The following EYS variants were observed in gnomAD, a reference collection of about 807,000 sequenced individuals.
The protein encoded by EYS is protein eyes shut homolog.
EYS carries 250 observed loss-of-function variants against 282.1 expected under a neutral mutation model. The observed-to-expected ratio is 0.89, with a 90% confidence interval of 0.80 to 0.98. The LOEUF (loss-of-function observed/expected upper bound fraction) is 0.98. Ranked by LOEUF, EYS falls within the 50% of genes least tolerant of loss-of-function variation. The pLI is 0.00. For synonymous variants in EYS, 1,355 were observed against 1,282.9 expected (o/e 1.06, Z -1.20); for missense variants, 4,016 against 3,709.0 (o/e 1.08, Z -2.15).
At chr6:65,577,472 C>T (rs354349) in intron 2 of EYS, among the ~76,000 whole-genome samples, 1 of 151,458 alleles carries the variant, frequency 6.6e-6, no homozygotes, top group Admixed American at 6.6e-5. Flanking sequence ...TATACAACTA[C>T]TAGGAAAAAA....
intron 5 of EYS, among the ~76,000 whole-genome samples, chr6:65,428,892 G>A (rs1312884377): frequency 1.3e-5 from 2 of 152,012 alleles, no homozygotes; most frequent in Admixed American, 1.3e-4. Context: ...ATAAATAAAA[G>A]ATGTTCTGAG....
intron 30 of EYS, among the ~76,000 whole-genome samples, chr6:64,280,027 T>C (rs1768249848): frequency 6.6e-6 from 1 of 152,328 alleles, no homozygotes; most frequent in South Asian, 2.1e-4. Flanking sequence ...AAAGAAAAGA[T>C]TGTCAATTGT....
chr6:65,234,492 T>C (rs928068749), intron 12 of EYS, among the ~76,000 whole-genome samples: 1 of 152,282 alleles, frequency 6.6e-6, no homozygotes, highest in Non-Finnish European at 1.5e-5. Context: ...TGAAGTGATG[T>C]AGCCTTTGGA....
chr6:65,401,133 C>A (rs1414287092), intron 7 of EYS, among the ~76,000 whole-genome samples: 1 of 151,934 alleles, frequency 6.6e-6, no homozygotes, highest in Non-Finnish European at 1.5e-5. Context: ...CCTAGGAAAA[C>A]ATACCTCATA....
intron 14 of EYS, among the ~76,000 whole-genome samples, chr6:64,984,846 A>T (rs1770801125): frequency 6.6e-6 from 1 of 151,436 alleles, no homozygotes; most frequent in African/African-American, 2.4e-5. Context: ...TTCTTGTAAC[A>T]GAAATAAAAG....
chr6:64,707,310 T>C (rs1771055914), intron 22 of EYS, among the ~76,000 whole-genome samples: 1 of 152,086 alleles, frequency 6.6e-6, no homozygotes, highest in Admixed American at 6.6e-5. Flanking sequence ...TGCAAAGGTA[T>C]AAGAATAATA....
chr6:64,013,331 C>A (rs916623447), intron 33 of EYS, among the ~76,000 whole-genome samples: 1 of 152,194 alleles, frequency 6.6e-6, no homozygotes, highest in African/African-American at 2.4e-5. Flanking sequence ...CTGGTAGCGC[C>A]TCTAAATGTG....
chr6:64,189,646 G>A (rs1232211907), intron 31 of EYS, among the ~76,000 whole-genome samples: 1 of 152,000 alleles, frequency 6.6e-6, no homozygotes, highest in Admixed American at 6.6e-5. Context: ...AATGTGGGTG[G>A]AACTCATTCA....
intron 26 of EYS, among the ~76,000 whole-genome samples, chr6:64,575,065 C>T (rs1387957461): frequency 6.6e-6 from 1 of 152,036 alleles, no homozygotes; most frequent in Non-Finnish European, 1.5e-5. Context: ...AAATGGTAAA[C>T]TACTTAGGGA....
chr6:64,691,863 G>C (rs1172156055), intron 22 of EYS, among the ~76,000 whole-genome samples: 2 of 152,130 alleles, frequency 1.3e-5, no homozygotes, highest in Admixed American at 1.3e-4. Context: ...AGTATTCCAA[G>C]TGTATATGTA....
At chr6:64,762,683 G>GCACA (rs150860565) in intron 22 of EYS, among the ~76,000 whole-genome samples, 26 of 150,126 alleles carry the variant, frequency 1.7e-4, no homozygotes, top group South Asian at 1.3e-3. Flanking sequence ...ACACACACAT[G>GCACA]CACACACACA....
intron 26 of EYS, among the ~76,000 whole-genome samples, chr6:64,451,873 C>G (rs1775362583): frequency 6.6e-6 from 1 of 152,158 alleles, no homozygotes; most frequent in Non-Finnish European, 1.5e-5. Flanking sequence ...ATAATAAGAG[C>G]TATCTATGAC....
intron 29 of EYS, among the ~76,000 whole-genome samples, chr6:64,383,004 C>G (rs1419907774): frequency 6.6e-6 from 1 of 152,140 alleles, no homozygotes; most frequent in African/African-American, 2.4e-5. Flanking sequence ...AAGGCAAGGC[C>G]TGCCTGGGCA....
rs149724667 is a variant in EYS, at chr6:65,433,134, C to G, written c.863-27767G>C. Reference sequence around the variant, plus strand: ...AAACTATGGAGTCCATAGGAAAAGTCTATTGAGCCTTTTCAGGTTATGGAT... The same window carrying G: ...AAACTATGGAGTCCATAGGAAAAGTGTATTGAGCCTTTTCAGGTTATGGAT... On this transcript the variant is annotated intron_variant, in intron 5 of 42. Coordinates refer to ENST00000503581, the MANE Select transcript of EYS (RefSeq NM_001142800.2). 7.9e-5 allele frequency among the ~76,000 whole-genome samples: 12 copies of G among 152,182 alleles called. No individual in the cohort carries two copies. The East Asian group carries it at 2.1e-3, about 27-fold the overall frequency.
At chr6:64,941,146 T>C (rs963244764) in intron 15 of EYS, among the ~76,000 whole-genome samples, 2 of 151,944 alleles carry the variant, frequency 1.3e-5, no homozygotes, top group Non-Finnish European at 2.9e-5. Context: ...TTTGGGAGGC[T>C]GAGGCGGGCA....
At chr6:65,029,019 T>C (rs543844159) in intron 13 of EYS, among the ~76,000 whole-genome samples, 2 of 152,294 alleles carry the variant, frequency 1.3e-5, no homozygotes, top group South Asian at 2.1e-4. Flanking sequence ...ATTAACTTTA[T>C]TATTTATTTT....
chr6:64,614,443 G>A (rs958497008), intron 24 of EYS, among the ~76,000 whole-genome samples: 1 of 152,032 alleles, frequency 6.6e-6, no homozygotes, highest in African/African-American at 2.4e-5. Context: ...TCAGACTCAG[G>A]TATGACAGGG....
chr6:63,837,981 TA>T (rs1771851923), intron 36 of EYS, among the ~76,000 whole-genome samples: 1 of 152,162 alleles, frequency 6.6e-6, no homozygotes, highest in African/African-American at 2.4e-5. Context: ...CAGGACTGTT[TA>T]TTTTGGTATT....
At chr6:65,085,318 A>T (rs145873697) in intron 12 of EYS, among the ~76,000 whole-genome samples, 1 of 152,224 alleles carries the variant, frequency 6.6e-6, no homozygotes, top group East Asian at 1.9e-4. Context: ...TGAAGTAAGG[A>T]TCTCTATTTC....
Sources: gnomAD v4.1 joint callset for allele counts (sites outside exome capture counted in the v4.1 genomes callset) on GRCh38, gnomAD v4.1.1 for gene constraint, MANE v1.5 for transcripts, NCBI Gene and HGNC (gene_info 2026-07-23, HGNC 2026-07-21) for gene names.